WDR45: variants seen among roughly 807,000 people sequenced by gnomAD.
WDR45 encodes the protein WD repeat domain phosphoinositide-interacting protein 4.
Under a neutral mutation model 27.3 loss-of-function variants are expected in WDR45, and 2 were observed. The observed-to-expected ratio is 0.07, with a 90% CI of 0.03 to 0.23. WDR45 has a LOEUF of 0.23. Ranked by LOEUF, WDR45 falls within the 10% of genes least tolerant of loss-of-function variation. The pLI, the probability that WDR45 is intolerant of heterozygous loss-of-function variation, is 1.00. For synonymous variants in WDR45, 99 were observed against 119.2 expected (o/e 0.83, Z 1.11); for missense variants, 175 against 311.9 (o/e 0.56, Z 3.31).
chrX:49,081,858 C>T (rs905993525), upstream of WDR45, among the ~76,000 whole-genome samples: 27 of 105,626 alleles, frequency 2.6e-4, no homozygotes, highest in African/African-American at 7.6e-4. Context: ...GTGGCGGGCA[C>T]CTGTAAGTCC....
At chrX:49,082,718 C>T (rs1346765260), upstream of WDR45, among the ~76,000 whole-genome samples, 1 of 110,656 alleles carries the variant, frequency 9.0e-6, no homozygotes, top group Non-Finnish European at 1.9e-5. Context: ...CTTTTTCTTT[C>T]TTTCTTTTTT....
chrX:49,096,915 G>A (rs782463924), intron 2 of WDR45, among the ~76,000 whole-genome samples: 1 of 111,432 alleles, frequency 9.0e-6, no homozygotes, highest in Admixed American at 9.6e-5. Flanking sequence ...CACCATGCTC[G>A]GCTAATAAGA....
intron 2 of WDR45, among the ~76,000 whole-genome samples, chrX:49,095,994 T>C (rs1026894068): frequency 1.1e-5 from 1 of 94,846 alleles, no homozygotes; most frequent in Non-Finnish European, 2.1e-5. Flanking sequence ...TGGTCTTGAA[T>C]TCCTGACCTT....
chrX:49,091,274 C>G (rs1441654176), intron 2 of WDR45, among the ~76,000 whole-genome samples: 3 of 108,465 alleles, frequency 2.8e-5, no homozygotes, highest in Non-Finnish European at 5.7e-5. Flanking sequence ...AACCCCATCT[C>G]TACCAAAAAT....
At chrX:49,091,247 C>G (rs189647084) in intron 2 of WDR45, among the ~76,000 whole-genome samples, 47 of 107,310 alleles carry the variant, frequency 4.4e-4, no homozygotes, top group African/African-American at 1.5e-3. Context: ...TCAAGACCAG[C>G]CTGGCCAACA....
intron 1 of WDR45, 115 bp from the exon 2 acceptor site, chrX:49,078,227 A>C (rs2065049132): frequency 1.3e-6 from 1 of 744,506 alleles, no homozygotes; most frequent in Non-Finnish European, 2.0e-6. Context: ...TGACTGCAAA[A>C]AAGATAAAAA....
chrX:49,075,383 G>A lies in WDR45; in HGVS notation c.808C>T (p.Arg270Cys), dbSNP rs782145062. The stretch of plus-strand genomic sequence containing the variant: ...ACTCACGCGGAGCGGCGGTTGAGGC[G>A]GGTATCCTTGAGAGCAAAGATATGG... ...TVHIFALKDT[R>C]LNRRSALARV... The change falls in exon 9 of 11, where the codon CGC becomes TGC. Residue 270 changes from arginine (R) to cysteine (C), a missense_variant. Physicochemically the swap from Arg to Cys is radical, Grantham distance 180. Around this residue, in one of 3 missense-constraint regions of WDR45, gnomAD observed 71 missense variants for 123.0 expected, o/e 0.58. Coordinates refer to ENST00000376372, the MANE Select transcript of WDR45 (RefSeq NM_001029896.2). 3 of 1,203,308 alleles carry A rather than the reference G, an allele frequency of 2.5e-6. No homozygotes were observed. The South Asian group carries it at 5.3e-5, about 21-fold the overall frequency.
At chrX:49,083,446 G>A (rs2065076307), upstream of WDR45, among the ~76,000 whole-genome samples, 1 of 106,074 alleles carries the variant, frequency 9.4e-6, no homozygotes, top group Non-Finnish European at 1.9e-5. Flanking sequence ...CTCTTCTCCT[G>A]TAGCCTTAAT....
At chrX:49,086,872 C>T (rs1410948214) in intron 2 of WDR45, among the ~76,000 whole-genome samples, 4 of 109,253 alleles carry the variant, frequency 3.7e-5, no homozygotes, top group African/African-American at 6.7e-5. Context: ...GGATTACAGG[C>T]GTGAGCCACT....
rs1557084569 is a variant in WDR45 at position 49,078,096 on chromosome X, G to A, written c.-1C>T. ...CTCCTCGAAGTGGCTGTTGAGTCAT[G>A]GTGCAGGATTGTTCCTCTGCATACA... On this transcript the variant is annotated 5_prime_UTR_variant, in exon 2 of 11. Coordinates refer to ENST00000376372, the MANE Select transcript of WDR45 (RefSeq NM_001029896.2). The A allele has an allele frequency of 1.7e-6, 2 of 1,211,648 alleles. No individual in the cohort carries two copies. Among genetic ancestry groups the A allele is most frequent in the South Asian group, 1.8e-5 (1 of 57,021 alleles).
At chrX:49,095,622 A>G (rs1237397420) in intron 2 of WDR45, among the ~76,000 whole-genome samples, 4 of 106,642 alleles carry the variant, frequency 3.8e-5, no homozygotes, top group Non-Finnish European at 7.7e-5. Flanking sequence ...CACCACGCCC[A>G]GCTAATTTTT....
upstream of WDR45, among the ~76,000 whole-genome samples, chrX:49,081,483 T>G (rs2065066627): frequency 1.0e-5 from 1 of 96,656 alleles, no homozygotes; most frequent in Admixed American, 1.1e-4. Context: ...TGAGCAGAGA[T>G]CGCACCACTG....
intron 1 of WDR45, among the ~76,000 whole-genome samples, chrX:49,078,589 A>G (rs2065051474): frequency 8.9e-6 from 1 of 111,886 alleles, no homozygotes; most frequent in African/African-American, 3.3e-5. Flanking sequence ...GATCCCAAAC[A>G]ACATGGCCAG....
chrX:49,092,082 T>C (rs1380200875), intron 2 of WDR45, among the ~76,000 whole-genome samples: 1 of 77,446 alleles, frequency 1.3e-5, no homozygotes, highest in Non-Finnish European at 2.2e-5. Flanking sequence ...ACCACGCCAT[T>C]GCACTCCAGC....
At position 49,074,528 on chromosome X, in the gene WDR45, G is replaced by A; in HGVS notation, c.*275C>T. The A allele has an allele frequency of 2.6e-6, 1 of 387,089 alleles. No individual in the cohort carries two copies. Among genetic ancestry groups the A allele is most frequent in the Admixed American group, 4.9e-5 (1 of 20,520 alleles). 31.9% of individuals were successfully genotyped at this position (387,089 alleles called of 1,213,427 possible). A position where few individuals can be genotyped will look rare whatever the true frequency, so the allele number is the denominator to read the frequency against. On this transcript the variant is annotated 3_prime_UTR_variant, in exon 11 of 11. Transcript: ENST00000376372. ...TTTAAAAAATCCCCAGGTTGGATTA[G>A]GGCACTCCCTCTGGGTCCCTGGCAA...
chrX:49,076,069 G>C, intron 6 of WDR45, 124 bp from the exon 7 acceptor site: 2 of 600,864 alleles, frequency 3.3e-6, no homozygotes. Flanking sequence ...AGAACCCTGA[G>C]GGGGCTCAGC....
chrX:49,076,157 G>C (rs1443738629), intron 6 of WDR45: 1 of 463,115 alleles, frequency 2.2e-6, no homozygotes, highest in Non-Finnish European at 3.8e-6. Flanking sequence ...TGCTATCACA[G>C]CCCCAGAAGC....
intron 2 of WDR45, among the ~76,000 whole-genome samples, chrX:49,091,754 TCAA>T (rs2065106855): frequency 1.3e-4 from 2 of 15,792 alleles, no homozygotes; most frequent in African/African-American, 8.1e-4. Context: ...AGACTCCGTC[TCAA>T]AAAAAAAAAA....
At chrX:49,082,345 G>A (rs1234619103), upstream of WDR45, among the ~76,000 whole-genome samples, 2 of 111,115 alleles carry the variant, frequency 1.8e-5, no homozygotes, top group Non-Finnish European at 3.8e-5. Context: ...ATGATATTAT[G>A]TAGCATTGTT....
Sources: gnomAD v4.1 joint callset for allele counts (sites outside exome capture counted in the v4.1 genomes callset) on GRCh38, gnomAD v4.1.1 for gene constraint, gnomAD v4.1.1 regional missense constraint, MANE v1.5 for transcripts, NCBI Gene and HGNC (gene_info 2026-07-23, HGNC 2026-07-21) for gene names.